PLXDC2: variants seen among roughly 807,000 people sequenced by gnomAD.
PLXDC2 encodes the protein plexin domain containing 2.
Under a neutral mutation model 68.9 loss-of-function variants are expected in PLXDC2, and 40 were observed. The ratio of observed to expected loss-of-function variants is 0.58; its 90% CI spans 0.45 to 0.76. PLXDC2 has a LOEUF of 0.76. Among genes scored for constraint, PLXDC2 ranks in the 30% least tolerant of loss-of-function variants. The probability of loss-of-function intolerance (pLI) is 0.00; values close to 1 mark genes in which losing one functional copy is unlikely to be tolerated. For synonymous variants in PLXDC2, 243 were observed against 234.2 expected (o/e 1.04, Z -0.34); for missense variants, 644 against 661.9 (o/e 0.97, Z 0.30).
chr10:20,041,684 C>G (rs1053911567), intron 2 of PLXDC2, among the ~76,000 whole-genome samples: 1 of 152,034 alleles, frequency 6.6e-6, no homozygotes, highest in African/African-American at 2.4e-5. Flanking sequence ...GATGCCTTAA[C>G]CAAAGATGGC....
intron 1 of PLXDC2, among the ~76,000 whole-genome samples, chr10:19,967,701 C>A (rs1834286765): frequency 6.6e-6 from 1 of 152,160 alleles, no homozygotes; most frequent in Non-Finnish European, 1.5e-5. Context: ...GATACTATGT[C>A]ATGTCCACCT....
At chr10:20,210,342 G>C (rs779364517) in intron 9 of PLXDC2, among the ~76,000 whole-genome samples, 6 of 151,964 alleles carry the variant, frequency 3.9e-5, no homozygotes, top group Non-Finnish European at 8.8e-5. Flanking sequence ...TTATTGTACT[G>C]TACTCACCTA....
chr10:19,872,869 A>G (rs74119780), intron 1 of PLXDC2, among the ~76,000 whole-genome samples: 11,546 of 151,964 alleles, frequency 0.076, 492 homozygotes, highest in African/African-American at 0.098. Context: ...ACGCTTTTAA[A>G]TTTTCTCTGG....
chr10:20,028,738 C>T (rs778354287), intron 2 of PLXDC2, among the ~76,000 whole-genome samples: 6 of 152,054 alleles, frequency 3.9e-5, no homozygotes, highest in African/African-American at 1.4e-4. Context: ...TGTTGGTAAC[C>T]CAGTATGAGC....
intron 1 of PLXDC2, among the ~76,000 whole-genome samples, chr10:19,933,880 G>GA (rs1397225795): frequency 1.7e-5 from 2 of 121,112 alleles, no homozygotes; most frequent in African/African-American, 6.1e-5. Context: ...GGGAGGGAGG[G>GA]AAAAAAGGAA....
In PLXDC2 at chr10:20,230,693, C is replaced by CAAAAAAAAAA. The variant is rs1191613913; in HGVS notation, c.1312+11603_1312+11612dup. Among the ~76,000 whole-genome samples, 66 of 37,802 alleles carry CAAAAAAAAAA rather than the reference C, an allele frequency of 1.7e-3. 10 individuals carry two copies. The highest frequency in any genetic ancestry group is 2.5e-3 in the East Asian group (4 of 1,592). The allele number at this position is 37,802 out of a possible 152,430, so 24.8% of individuals were successfully genotyped here. On this transcript the variant is annotated intron_variant, in intron 12 of 13. Transcript: ENST00000377252. ...TGGGCTACAGAGTGAGACCTTGTCT[C>CAAAAAAAAAA]AAAAAAAAAAAAAAAAAAAAACAGG...
At chr10:19,988,704 T>C (rs866161439) in intron 1 of PLXDC2, among the ~76,000 whole-genome samples, 1 of 151,792 alleles carries the variant, frequency 6.6e-6, no homozygotes. Context: ...GTCAAGATTT[T>C]TCCATCATTT....
At chr10:19,978,520 A>T (rs1352582242) in intron 1 of PLXDC2, among the ~76,000 whole-genome samples, 1 of 152,172 alleles carries the variant, frequency 6.6e-6, no homozygotes, top group Non-Finnish European at 1.5e-5. Flanking sequence ...GAAGATCTTC[A>T]GGTGTAGAGA....
intron 4 of PLXDC2, among the ~76,000 whole-genome samples, chr10:20,106,481 A>G (rs146602429): frequency 6.6e-5 from 10 of 152,290 alleles, no homozygotes; most frequent in Non-Finnish European, 1.3e-4. Flanking sequence ...GGCCTGTGAT[A>G]TCCCTTGAGA....
intron 12 of PLXDC2, among the ~76,000 whole-genome samples, chr10:20,225,401 G>A (rs1835272699): frequency 6.6e-6 from 1 of 151,830 alleles, no homozygotes; most frequent in Admixed American, 6.6e-5. Context: ...CTTTTGTGTA[G>A]ATCATAGTCC....
At chr10:20,025,776 C>T (rs1450936255) in intron 2 of PLXDC2, among the ~76,000 whole-genome samples, 1 of 152,014 alleles carries the variant, frequency 6.6e-6, no homozygotes, top group Non-Finnish European at 1.5e-5. Flanking sequence ...GTTCCTTATA[C>T]ATTTTGGATA....
intron 1 of PLXDC2, among the ~76,000 whole-genome samples, chr10:19,962,680 G>A (rs1463876939): frequency 6.9e-6 from 1 of 145,080 alleles, no homozygotes; most frequent in Admixed American, 6.8e-5. Context: ...GAGAGCCACC[G>A]CGCCCGGCTC....
intron 2 of PLXDC2, among the ~76,000 whole-genome samples, chr10:20,018,302 A>G (rs1220802280): frequency 6.8e-6 from 1 of 146,372 alleles, no homozygotes; most frequent in Non-Finnish European, 1.5e-5. Flanking sequence ...TCCCCATACT[A>G]TGTTGAGTTG....
intron 1 of PLXDC2, among the ~76,000 whole-genome samples, chr10:19,910,526 C>T (rs535298736): frequency 6.7e-6 from 1 of 149,582 alleles, no homozygotes; most frequent in African/African-American, 2.5e-5. Flanking sequence ...CACTAGAGCT[C>T]TGATAACTAC....
At chr10:20,117,861 T>C (rs1833642076) in intron 4 of PLXDC2, among the ~76,000 whole-genome samples, 1 of 152,192 alleles carries the variant, frequency 6.6e-6, no homozygotes. Context: ...TTGAAAGGTA[T>C]GTGTATCTGG....
At chr10:20,051,400 ATATATATATATATAT>A (rs1835897074) in intron 3 of PLXDC2, among the ~76,000 whole-genome samples, 1 of 2,728 alleles carries the variant, frequency 3.7e-4, no homozygotes, top group Non-Finnish European at 7.7e-4. Context: ...GGTTAAATAT[ATATATATATATATAT>A]ATATATATAT....
intron 2 of PLXDC2, among the ~76,000 whole-genome samples, chr10:20,012,100 C>T (rs913140469): frequency 3.9e-5 from 6 of 152,050 alleles, no homozygotes; most frequent in Non-Finnish European, 8.8e-5. Context: ...TAGGTAGACA[C>T]ATCGATAGGC....
At chr10:20,091,456 A>G (rs1833275278) in intron 4 of PLXDC2, among the ~76,000 whole-genome samples, 1 of 152,150 alleles carries the variant, frequency 6.6e-6, no homozygotes, top group Non-Finnish European at 1.5e-5. Context: ...TACATAGCTC[A>G]TATAGTTTTC....
intron 1 of PLXDC2, among the ~76,000 whole-genome samples, chr10:19,952,333 T>C: frequency 6.6e-6 from 1 of 152,196 alleles, no homozygotes; most frequent in East Asian, 1.9e-4. Flanking sequence ...TAAGTCAGCC[T>C]TTTTGCCAGC....
Sources: gnomAD v4.1 joint callset for allele counts (sites outside exome capture counted in the v4.1 genomes callset) on GRCh38, gnomAD v4.1.1 for gene constraint, MANE v1.5 for transcripts, NCBI Gene and HGNC (gene_info 2026-07-23, HGNC 2026-07-21) for gene names.